ABHD18: variants seen among roughly 807,000 people sequenced by gnomAD.
ABHD18 encodes the protein cardiolipin-specific deacylase, mitochondrial.
Under a neutral mutation model 65.9 loss-of-function variants are expected in ABHD18, and 55 were observed. That is an observed-to-expected ratio of 0.84 (90% CI 0.67 to 1.05). ABHD18 has a LOEUF of 1.05. ABHD18 is among the 50% of genes least tolerant of loss of function. ABHD18 has a pLI of 0.00. For missense variants in ABHD18, 533 were observed against 558.5 expected (o/e 0.95, Z 0.46); for synonymous variants, 181 against 180.2 (o/e 1.00, Z -0.04).
At chr4:128,027,850 TA>T (rs939275620) in intron 10 of ABHD18, among the ~76,000 whole-genome samples, 3 of 150,912 alleles carry the variant, frequency 2.0e-5, no homozygotes, top group African/African-American at 7.3e-5. Context: ...ACTTTGGCTA[TA>T]AAAAAAAATG....
chr4:128,028,946 T>C, intron 11 of ABHD18, 93 bp downstream of exon 11: 1 of 1,075,506 alleles, frequency 9.3e-7, no homozygotes, highest in South Asian at 2.1e-5. Context: ...ATTTTATATT[T>C]TCAAGGGTAT....
rs70966065 is a variant in ABHD18, at chr4:127,966,702, C to CAAAAAAAAAA, written c.-18+1123_-18+1132dup. ...TGAAACCCCGTCTCTACTAAAAATA[C>CAAAAAAAAAA]AAAAAAAAAAAAAAAAAAAAAAAAA... On this transcript the variant is annotated intron_variant, in intron 1 of 12. Transcript: ENST00000645843. Among the ~76,000 whole-genome samples the CAAAAAAAAAA allele has an allele frequency of 6.5e-4, 14 of 21,538 alleles. 2 individuals are homozygous for CAAAAAAAAAA. Among genetic ancestry groups the CAAAAAAAAAA allele is most frequent in the African/African-American group, 1.4e-3 (8 of 5,640 alleles). 14.1% of individuals were successfully genotyped at this position (21,538 alleles called of 152,430 possible).
At chr4:128,006,603 A>G (rs1462432533) in intron 4 of ABHD18, among the ~76,000 whole-genome samples, 1 of 152,106 alleles carries the variant, frequency 6.6e-6, no homozygotes, top group East Asian at 1.9e-4. Context: ...GAATCCAGTC[A>G]CCTCAGGTCA....
intron 1 of ABHD18, among the ~76,000 whole-genome samples, chr4:127,979,251 C>T (rs374617063): frequency 2.0e-5 from 3 of 152,144 alleles, no homozygotes; most frequent in East Asian, 3.8e-4. Flanking sequence ...TTACTCTCTT[C>T]CAAGTTTAAA....
In ABHD18 at chr4:127,976,869, G is replaced by A. The variant is rs541297486; in HGVS notation, c.-17-6070G>A. On this transcript the variant is annotated intron_variant, in intron 1 of 12. Coordinates refer to ENST00000645843, the MANE Select transcript of ABHD18 (RefSeq NM_001358451.3). ...ATCCTGGCTAACACGCTGAAACCCCGTCTCTACTAAAAATACAAAAAATTA... is the reference window on the plus strand; with the variant it reads ...ATCCTGGCTAACACGCTGAAACCCCATCTCTACTAAAAATACAAAAAATTA... Among the ~76,000 whole-genome samples, 7 of 152,028 alleles carry A rather than the reference G, an allele frequency of 4.6e-5. No homozygotes were observed. In the East Asian group the frequency reaches 9.7e-4, roughly 21 times the overall value.
intron 1 of ABHD18, among the ~76,000 whole-genome samples, chr4:127,979,125 A>G (rs1200103421): frequency 6.6e-6 from 1 of 152,236 alleles, no homozygotes; most frequent in Non-Finnish European, 1.5e-5. Context: ...ATAAATATAA[A>G]TGTCCTAAAT....
At chr4:128,012,135 C>T (rs1162800371) in intron 7 of ABHD18, among the ~76,000 whole-genome samples, 1 of 152,054 alleles carries the variant, frequency 6.6e-6, no homozygotes, top group African/African-American at 2.4e-5. Context: ...CACCACCACA[C>T]CTGGCTAATT....
At chr4:128,029,010 G>T (rs1187027763) in intron 11 of ABHD18, among the ~76,000 whole-genome samples, 157 bp downstream of exon 11, 2 of 152,096 alleles carry the variant, frequency 1.3e-5, no homozygotes, top group African/African-American at 4.8e-5. Flanking sequence ...TTACTTAAAT[G>T]TATCATATTC....
chr4:128,003,943 C>T (rs1324533557), intron 4 of ABHD18, among the ~76,000 whole-genome samples: 6 of 118,036 alleles, frequency 5.1e-5, no homozygotes, highest in Non-Finnish European at 1.1e-4. Flanking sequence ...GACCCTGTCT[C>T]GATTTAAAAA....
chr4:128,002,494 G>GCT (rs1752831746), intron 4 of ABHD18, among the ~76,000 whole-genome samples: 1 of 151,676 alleles, frequency 6.6e-6, no homozygotes, highest in African/African-American at 2.4e-5. Flanking sequence ...TGGCCAGGCT[G>GCT]GTCTTGAATT....
chr4:127,973,053 A>G (rs1747155789), intron 1 of ABHD18, among the ~76,000 whole-genome samples: 1 of 151,916 alleles, frequency 6.6e-6, no homozygotes, highest in South Asian at 2.1e-4. Flanking sequence ...TCACTCTGTC[A>G]CCCAGGCTGG....
In ABHD18 at chr4:128,036,033, A is replaced by G. The variant is rs1758853342; in HGVS notation, c.*220A>G. On this transcript the variant is annotated 3_prime_UTR_variant, in exon 13 of 13. Transcript: ENST00000645843. ...TAAATAATGTTAAAGTGTTTTTACT[A>G]TTGTTTATTGGAATCCCATATATTC... 8.2e-6 allele frequency: 3 copies of G among 367,864 alleles called. No individual in the cohort carries two copies. The highest frequency in any genetic ancestry group is 4.5e-5 in the Admixed American group (1 of 22,378). 22.8% of individuals were successfully genotyped at this position (367,864 alleles called of 1,614,324 possible).
At chr4:128,013,670 C>G (rs1754968631) in intron 7 of ABHD18, among the ~76,000 whole-genome samples, 1 of 151,774 alleles carries the variant, frequency 6.6e-6, no homozygotes, top group Admixed American at 6.6e-5. Context: ...TGCACTCCAG[C>G]CCGGGCGACA....
At position 127,993,462 on chromosome 4, in the gene ABHD18, A is replaced by G. The variant is rs530593341; in HGVS notation, c.278+3641A>G. ...CAAATTTGAAGCATAACTTACTTTGATGAAATACTATAAGTTCCCAGATGA... is the reference window on the plus strand; with the variant it reads ...CAAATTTGAAGCATAACTTACTTTGGTGAAATACTATAAGTTCCCAGATGA... On this transcript the variant is annotated intron_variant, in intron 4 of 12. Coordinates refer to ENST00000645843, the MANE Select transcript of ABHD18 (RefSeq NM_001358451.3). Among the ~76,000 whole-genome samples, 44 of 152,288 alleles carry G rather than the reference A, an allele frequency of 2.9e-4. 1 individual carries two copies. Among genetic ancestry groups the G allele is most frequent in the African/African-American group, 1.0e-3 (42 of 41,576 alleles).
chr4:127,993,646 T>C (rs1294926340), intron 4 of ABHD18, among the ~76,000 whole-genome samples: 1 of 152,238 alleles, frequency 6.6e-6, no homozygotes. Flanking sequence ...CTTTCTCCTA[T>C]GTGTTCACAT....
At chr4:128,027,953 T>C (rs1050612417) in intron 10 of ABHD18, among the ~76,000 whole-genome samples, 10 of 152,316 alleles carry the variant, frequency 6.6e-5, no homozygotes, top group African/African-American at 2.4e-4. Context: ...TTTTAATACA[T>C]CTTTGTTTTT....
chr4:127,979,100 A>G (rs1277297537), intron 1 of ABHD18, among the ~76,000 whole-genome samples: 2 of 152,216 alleles, frequency 1.3e-5, no homozygotes, highest in Non-Finnish European at 2.9e-5. Context: ...AACAAACCAA[A>G]TATTTATCAT....
intron 1 of ABHD18, among the ~76,000 whole-genome samples, chr4:127,980,357 A>G (rs1282741708): frequency 6.6e-6 from 1 of 152,170 alleles, no homozygotes; most frequent in African/African-American, 2.4e-5. Context: ...GAATTTTAAG[A>G]AGTAAATTTC....
intron 1 of ABHD18, among the ~76,000 whole-genome samples, chr4:127,969,839 C>T (rs1746379803): frequency 6.6e-6 from 1 of 151,766 alleles, no homozygotes; most frequent in Non-Finnish European, 1.5e-5. Flanking sequence ...CTCAACTTCC[C>T]AGGCTTACAC....
Sources: gnomAD v4.1 joint callset for allele counts (sites outside exome capture counted in the v4.1 genomes callset) on GRCh38, gnomAD v4.1.1 for gene constraint, MANE v1.5 for transcripts, NCBI Gene and HGNC (gene_info 2026-07-23, HGNC 2026-07-21) for gene names.